The following VPS13D variants were observed in gnomAD, a reference collection of about 807,000 sequenced individuals.
The protein encoded by VPS13D is intermembrane lipid transfer protein VPS13D.
VPS13D carries 187 observed loss-of-function variants against 461.9 expected under a neutral mutation model. The observed-to-expected ratio is 0.40, with a 90% CI of 0.36 to 0.46. The LOEUF is 0.46. VPS13D is among the 20% of genes least tolerant of loss of function. The probability of loss-of-function intolerance (pLI) is 0.60; values close to 1 mark genes in which losing one functional copy is unlikely to be tolerated. For synonymous variants in VPS13D, 1,951 were observed against 1,986.3 expected (o/e 0.98, Z 0.47); for missense variants, 4,711 against 5,364.9 (o/e 0.88, Z 3.81).
chr1:12,480,328 T>C (rs1645697982), intron 67 of VPS13D, among the ~76,000 whole-genome samples: 1 of 152,214 alleles, frequency 6.6e-6, no homozygotes. Flanking sequence ...GTGCATGTGC[T>C]CAGTATGTCA....
At position 12,319,457 on chromosome 1, in the gene VPS13D, T is replaced by G. The variant is rs770070738; in HGVS notation, c.7415-40T>G. The stretch of plus-strand genomic sequence containing the variant: ...TTGCAACAGCCTGGTGTTTTCCAGC[T>G]TCCCAGCTCTGGCTTGATTGACGAC... On this transcript the variant is annotated intron_variant, in intron 31 of 69. Coordinates refer to ENST00000620676, the MANE Select transcript of VPS13D (RefSeq NM_015378.4). 2.0e-5 allele frequency: 32 copies of G among 1,609,088 alleles called. 1 individual carries two copies. In the South Asian group the frequency reaches 3.5e-4, roughly 18 times the overall value.
At position 12,331,711 on chromosome 1, in the gene VPS13D, TA is replaced by T. The variant is rs757913489; in HGVS notation, c.8288-1491del. Among the ~76,000 whole-genome samples, 1,011 of 106,198 alleles carry T rather than the reference TA, an allele frequency of 9.5e-3. 5 individuals carry two copies. Among genetic ancestry groups the T allele is most frequent in the Middle Eastern group, 0.02 (4 of 202 alleles). The allele number at this position is 106,198 out of a possible 152,430, so 69.7% of individuals were successfully genotyped here. ...TAGGCGACAGAGCGAGACTCTGTCT[TA>T]AAAAAAAAAAAAAAAAAAAAAAAGA... On this transcript the variant is annotated intron_variant, in intron 37 of 69. Coordinates refer to ENST00000620676, the MANE Select transcript of VPS13D (RefSeq NM_015378.4).
At chr1:12,286,083 T>C (rs2101400777) in intron 21 of VPS13D, among the ~76,000 whole-genome samples, 1 of 150,866 alleles carries the variant, frequency 6.6e-6, no homozygotes, top group East Asian at 2.0e-4. Context: ...TCCTTTCCTT[T>C]CTTTCCTTCT....
chr1:12,281,198 C>T (rs775110944), intron 20 of VPS13D, among the ~76,000 whole-genome samples: 5 of 152,006 alleles, frequency 3.3e-5, no homozygotes, highest in African/African-American at 4.8e-5. Flanking sequence ...TCATGCCTTA[C>T]AAAATTAATG....
At chr1:12,350,838 A>G (rs1258265938) in intron 46 of VPS13D, among the ~76,000 whole-genome samples, 4 of 152,138 alleles carry the variant, frequency 2.6e-5, no homozygotes, top group Non-Finnish European at 4.4e-5. Flanking sequence ...ACAAATTACC[A>G]ATATAAGGAA....
At chr1:12,506,792 C>G (rs2100566078) in intron 68 of VPS13D, 61 bp from the exon 69 acceptor site, 1 of 1,579,092 alleles carries the variant, frequency 6.3e-7, no homozygotes, top group East Asian at 2.2e-5. Context: ...CGCAGTGGGC[C>G]TCCCCCTGAT....
chr1:12,425,745 C>T (rs1644917173), intron 65 of VPS13D, among the ~76,000 whole-genome samples: 1 of 151,960 alleles, frequency 6.6e-6, no homozygotes, highest in African/African-American at 2.4e-5. Context: ...GGATTAAGCC[C>T]ATTTTACAGA....
intron 26 of VPS13D, among the ~76,000 whole-genome samples, chr1:12,308,154 G>C (rs755731374): frequency 9.9e-5 from 15 of 152,152 alleles, no homozygotes; most frequent in Non-Finnish European, 1.5e-4. Flanking sequence ...GTCACAGCAT[G>C]GGCATGAGAC....
At chr1:12,477,087 A>T (rs1645642199) in intron 67 of VPS13D, among the ~76,000 whole-genome samples, 1 of 152,166 alleles carries the variant, frequency 6.6e-6, no homozygotes, top group Admixed American at 6.5e-5. Context: ...AGTTGCTAGT[A>T]TGGGATTTCT....
chr1:12,288,282 G>A lies in VPS13D; in HGVS notation c.5694G>A (p.Val1898=). ...CCAGTGAGCTTGCCAAAGCAAATGT[G>A]TCCAAATTAGTAGCACACCTGGAAA... ...KTTSELAKAN[V]SKLVAHLEMI... is the part of the protein sequence containing the mutation. The change falls in exon 22 of 70, where the codon GTG becomes GTA. Residue 1898 remains valine, a synonymous_variant. Coordinates refer to ENST00000620676, the MANE Select transcript of VPS13D (RefSeq NM_015378.4). The A allele has an allele frequency of 6.2e-7, 1 of 1,614,144 alleles. No individual in the cohort carries two copies. Among genetic ancestry groups the A allele is most frequent in the Non-Finnish European group, 8.5e-7 (1 of 1,179,978 alleles).
intron 1 of VPS13D, among the ~76,000 whole-genome samples, chr1:12,232,829 C>T (rs1640023472): frequency 6.6e-6 from 1 of 151,642 alleles, no homozygotes; most frequent in Admixed American, 6.6e-5. Flanking sequence ...AATGCAGTTC[C>T]AGGACATTTA....
chr1:12,499,212 G>T (rs1399759721), intron 68 of VPS13D, among the ~76,000 whole-genome samples: 1 of 152,056 alleles, frequency 6.6e-6, no homozygotes, highest in Non-Finnish European at 1.5e-5. Flanking sequence ...GCCCTGTGAG[G>T]CTGGGATTTT....
chr1:12,492,039 G>A (rs541954044), intron 67 of VPS13D, among the ~76,000 whole-genome samples: 1 of 152,346 alleles, frequency 6.6e-6, no homozygotes, highest in East Asian at 1.9e-4. Context: ...AGGTGAGTGG[G>A]TGGATTTTGG....
At chr1:12,315,822 C>CTT (rs200458982) in intron 30 of VPS13D, among the ~76,000 whole-genome samples, 1 of 146,044 alleles carries the variant, frequency 6.8e-6, no homozygotes, top group Non-Finnish European at 1.5e-5. Context: ...AGAAACATTT[C>CTT]TTTTTTTTTT....
chr1:12,230,281 C>G (rs1367371505), intron 1 of VPS13D, among the ~76,000 whole-genome samples, 161 bp downstream of exon 1: 2 of 152,120 alleles, frequency 1.3e-5, no homozygotes, highest in East Asian at 3.9e-4. Context: ...CGTCCGGCCT[C>G]GGTCTGAGCC....
At position 12,305,286 on chromosome 1, in the gene VPS13D, T is replaced by C. The variant is rs888867658; in HGVS notation, c.6439+558T>C. Among the ~76,000 whole-genome samples, 11 of 152,086 alleles carry C rather than the reference T, an allele frequency of 7.2e-5. No individual in the cohort carries two copies. The South Asian group carries it at 1.9e-3, about 26-fold the overall frequency. On this transcript the variant is annotated intron_variant, in intron 26 of 69. Transcript: ENST00000620676. ...TTTCTGGTTTTATGTATTTTTTTTT[T>C]CCCCTCAAGACAGGGTCTCTCACTG...
chr1:12,464,969 G>A (rs1160864594), intron 67 of VPS13D: 2 of 152,248 alleles, frequency 1.3e-5, no homozygotes, highest in Non-Finnish European at 2.9e-5. Context: ...AGGTGCCACT[G>A]AAGCTATGTG....
At chr1:12,343,953 C>T (rs915193381) in intron 42 of VPS13D, among the ~76,000 whole-genome samples, 1 of 152,142 alleles carries the variant, frequency 6.6e-6, no homozygotes, top group Admixed American at 6.5e-5. Flanking sequence ...TTTCAGGACT[C>T]AAAGCTAATA....
At chr1:12,400,356 G>C in intron 61 of VPS13D, 26 bp downstream of exon 61, 5 of 1,612,286 alleles carry the variant, frequency 3.1e-6, no homozygotes, top group Non-Finnish European at 4.2e-6. Context: ...AGGCTGGTGG[G>C]TTGATGCCAT....
Sources: gnomAD v4.1 joint callset for allele counts (sites outside exome capture counted in the v4.1 genomes callset) on GRCh38, gnomAD v4.1.1 for gene constraint, MANE v1.5 for transcripts, NCBI Gene and HGNC (gene_info 2026-07-23, HGNC 2026-07-21) for gene names.